KLHDC4: variants seen among roughly 807,000 people sequenced by gnomAD.
The protein encoded by KLHDC4 is kelch domain containing 4.
In KLHDC4, 90 loss-of-function variants were observed where a neutral mutation model predicts 62.4. That is an observed-to-expected ratio of 1.44 (90% CI 1.22 to 1.72). KLHDC4 has a LOEUF of 1.72. Ranked by LOEUF, KLHDC4 falls within the 40% of genes most tolerant of loss-of-function variation. KLHDC4 has a pLI of 0.00. For missense variants in KLHDC4, 1,025 were observed against 699.7 expected, an observed-to-expected ratio of 1.47 and a Z score of -5.25; for synonymous variants, 386 against 284.4, an observed-to-expected ratio of 1.36 and a Z score of -3.59.
intron 7 of KLHDC4, among the ~76,000 whole-genome samples, chr16:87,722,751 G>C (rs2038641630): frequency 6.6e-6 from 1 of 152,274 alleles, no homozygotes; most frequent in Non-Finnish European, 1.5e-5. Flanking sequence ...GGCCTGGCTT[G>C]CATCTCTGCA....
At chr16:87,748,542 G>T in intron 5 of KLHDC4, 131 bp downstream of exon 5, 1 of 1,172,166 alleles carries the variant, frequency 8.5e-7, no homozygotes, top group Non-Finnish European at 1.2e-6. Flanking sequence ...ACCCAGCGAG[G>T]CTGGGCTCCA....
intron 4 of KLHDC4, among the ~76,000 whole-genome samples, 194 bp from the exon 5 acceptor site, chr16:87,749,003 C>G (rs778202082): frequency 1.2e-4 from 18 of 149,790 alleles, no homozygotes; most frequent in Non-Finnish European, 1.5e-4. Flanking sequence ...GAAAGCACGT[C>G]CTCAGTCAAG....
chr16:87,730,662 A>G lies in KLHDC4; in HGVS notation c.507-18T>C, dbSNP rs1194542398. On this transcript the variant is annotated intron_variant, in intron 5 of 11. Coordinates refer to ENST00000270583, the MANE Select transcript of KLHDC4 (RefSeq NM_017566.4). ...CTGTTGATCTAAAATGAAATAAACA[A>G]AAAGACACTATCAACCTGCTTAATT... 4.4e-6 allele frequency: 7 copies of G among 1,598,568 alleles called. No homozygotes were observed. The highest frequency in any genetic ancestry group is 6.0e-6 in the Non-Finnish European group (7 of 1,169,734).
chr16:87,734,890 T>G (rs1224114292), intron 5 of KLHDC4, among the ~76,000 whole-genome samples: 1 of 151,814 alleles, frequency 6.6e-6, no homozygotes, highest in Non-Finnish European at 1.5e-5. Context: ...ACCCCACACA[T>G]GCGGAGCAAG....
At chr16:87,698,818 T>A (rs2034012928) in exon 1 of KLHDC4, 1 of 152,260 alleles carries the variant, frequency 6.6e-6, no homozygotes, top group Non-Finnish European at 1.5e-5. Context: ...GGGACCTGCT[T>A]CCCTGCACAC....
chr16:87,762,125 T>C, intron 1 of KLHDC4, 85 bp from the exon 2 acceptor site: 3 of 1,574,544 alleles, frequency 1.9e-6, no homozygotes, highest in Non-Finnish European at 2.6e-6. Flanking sequence ...CTCCAATCAG[T>C]GTGATTCGAC....
At chr16:87,745,248 G>A (rs1328479138) in intron 5 of KLHDC4, among the ~76,000 whole-genome samples, 4 of 151,452 alleles carry the variant, frequency 2.6e-5, no homozygotes, top group African/African-American at 7.3e-5. Flanking sequence ...CCCTGGGGCC[G>A]GCCATAGGGT....
intron 5 of KLHDC4, among the ~76,000 whole-genome samples, chr16:87,743,462 AG>A (rs2143017100): frequency 6.6e-6 from 1 of 152,232 alleles, no homozygotes; most frequent in South Asian, 2.1e-4. Flanking sequence ...AAACCTGGCC[AG>A]GCGCCGTGGC....
At chr16:87,745,183 T>G (rs573071105) in intron 5 of KLHDC4, among the ~76,000 whole-genome samples, 125 of 152,254 alleles carry the variant, frequency 8.2e-4, no homozygotes, top group Non-Finnish European at 1.5e-3. Context: ...GGGGGCATGT[T>G]CTCTCCACCC....
intron 2 of KLHDC4, among the ~76,000 whole-genome samples, chr16:87,761,152 A>G (rs1175839545): frequency 2.0e-5 from 3 of 152,252 alleles, no homozygotes. Flanking sequence ...AAAACCAGGA[A>G]GGACACTGGC....
chr16:87,728,451 C>A (rs4843687), intron 6 of KLHDC4, among the ~76,000 whole-genome samples: 25,738 of 151,996 alleles, frequency 0.17, 2,186 homozygotes, highest in South Asian at 0.22. Flanking sequence ...GGAAAACTCC[C>A]AAGTTGGTAT....
rs921550639 is a variant in KLHDC4 at position 87,707,974 on chromosome 16, T to C, written c.*103A>G. 10 of 473,250 alleles carry C rather than the reference T, an allele frequency of 2.1e-5. No individual in the cohort carries two copies. The highest frequency in any genetic ancestry group is 2.1e-4 in the Admixed American group (9 of 42,998). 29.3% of individuals were successfully genotyped at this position (473,250 alleles called of 1,614,324 possible). On this transcript the variant is annotated 3_prime_UTR_variant, in exon 12 of 12. Transcript: ENST00000270583. Reference sequence around the variant, plus strand: ...GCCACCCACCTTCAGCTCTCTCCTGTGCGTCAGGACGCACGCTGGCCCCAA... The same window carrying C: ...GCCACCCACCTTCAGCTCTCTCCTGCGCGTCAGGACGCACGCTGGCCCCAA...
rs761717562 is a variant in KLHDC4, at chr16:87,730,637, C to G, written c.514G>C (p.Gly172Arg). ...TGTCCACTCCGACCCGAAGGACCGC[C>G]TGTTGATCTAAAATGAAATAAACAA... ...TKTWEQVKST[G>R]GPSGRSGHRM... The change falls in exon 6 of 12, where the codon GGC (glycine) becomes CGC (arginine). Residue 172 changes from glycine (G) to arginine (R), a missense_variant. Coordinates refer to ENST00000270583, the MANE Select transcript of KLHDC4 (RefSeq NM_017566.4). 6.2e-6 allele frequency: 10 copies of G among 1,612,196 alleles called. No homozygotes were observed. The highest frequency in any genetic ancestry group is 1.3e-5 in the African/African-American group (1 of 74,948).
intron 7 of KLHDC4, among the ~76,000 whole-genome samples, chr16:87,716,867 G>C (rs954912843): frequency 6.6e-6 from 1 of 152,194 alleles, no homozygotes; most frequent in African/African-American, 2.4e-5. Context: ...AGGAGGCGGA[G>C]CTTGCAGTGA....
chr16:87,708,490 A>G lies in KLHDC4; in HGVS notation c.1448-24T>C, dbSNP rs201176534. 18 of 1,565,630 alleles carry G rather than the reference A, an allele frequency of 1.1e-5. No homozygotes were observed. The East Asian group carries it at 3.4e-4, about 29-fold the overall frequency. ...TTCTTCAAAAGCAGAATGAACGCAC[A>G]TACACGTCAGCGCAGCTGAGGCAGG... On this transcript the variant is annotated intron_variant, in intron 10 of 11. Coordinates refer to ENST00000270583, the MANE Select transcript of KLHDC4 (RefSeq NM_017566.4).
intron 3 of KLHDC4, 150 bp downstream of exon 3, chr16:87,756,249 G>A: frequency 1.7e-6 from 1 of 589,246 alleles, no homozygotes; most frequent in Non-Finnish European, 3.1e-6. Flanking sequence ...GGAGCATCCT[G>A]GCGACGTCTC....
intron 5 of KLHDC4, among the ~76,000 whole-genome samples, chr16:87,743,848 TTAAA>T (rs2042617983): frequency 6.6e-6 from 1 of 152,182 alleles, no homozygotes; most frequent in East Asian, 1.9e-4. Context: ...GTTTAAATTC[TTAAA>T]TAAATAAAAA....
At chr16:87,764,830 C>CAAA (rs35356541) in intron 1 of KLHDC4, among the ~76,000 whole-genome samples, 9 of 80,490 alleles carry the variant, frequency 1.1e-4, no homozygotes, top group East Asian at 3.3e-4. Context: ...AAGACTCTGT[C>CAAA]AAAAAAAAAA....
chr16:87,709,434 T>A lies in KLHDC4; in HGVS notation c.1278A>T (p.Ala426=). ...CGTTGGAGCGTGGACACGGCCCAGG[T>A]GCGGGGCTGCCGGCCTCCTCAAGGC... ...EDSLEEAGSP[A]PGPCPRSNAM... Residue 426 remains alanine (A), a synonymous_variant, in exon 10 of 12, where the codon GCA becomes GCT. Transcript: ENST00000270583. 6.2e-7 allele frequency: 1 copy of A among 1,612,740 alleles called. No homozygotes were observed. The highest frequency in any genetic ancestry group is 8.5e-7 in the Non-Finnish European group (1 of 1,179,916).
Sources: allele counts gnomAD v4.1 joint callset (sites outside exome capture counted in the v4.1 genomes callset), GRCh38; gene constraint gnomAD v4.1.1; transcripts MANE v1.5; gene names NCBI Gene and HGNC (gene_info 2026-07-23, HGNC 2026-07-21).